Variants in SLC16A7 observed in about 807,000 individuals in gnomAD.
SLC16A7 encodes solute carrier family 16 member 7.
A neutral mutation model predicts 34.9 loss-of-function variants in SLC16A7; 33 were observed. That is an observed-to-expected ratio of 0.94 (90% confidence interval 0.72 to 1.26). SLC16A7 has a LOEUF of 1.26. SLC16A7 is among the 50% of genes most tolerant of loss of function. The probability of loss-of-function intolerance (pLI) is 0.00; values close to 1 mark genes in which losing one functional copy is unlikely to be tolerated. For synonymous variants in SLC16A7, 201 were observed against 206.6 expected (o/e 0.97, Z 0.23); for missense variants, 573 against 578.1 (o/e 0.99, Z 0.09).
In SLC16A7 at chr12:59,780,779, CG is replaced by C. The variant is rs1271373044; in HGVS notation, c.*1101del. ...CTGTTATGAATACTCCATCTGACTA[CG>C]ACTAAGAGAGTGAGGGGTGGTTTTA... On this transcript the variant is annotated 3_prime_UTR_variant, in exon 6 of 6. Coordinates refer to ENST00000547379, the MANE Select transcript of SLC16A7 (RefSeq NM_001270623.2). 2 of 152,060 alleles carry C rather than the reference CG, an allele frequency of 1.3e-5. No homozygotes were observed. 9.4% of individuals were successfully genotyped at this position (152,060 alleles called of 1,614,324 possible). A position where few individuals can be genotyped will look rare whatever the true frequency, so the allele number is the denominator to read the frequency against.
At chr12:59,753,543 C>G (rs1879877924) in intron 3 of SLC16A7, among the ~76,000 whole-genome samples, 1 of 152,070 alleles carries the variant, frequency 6.6e-6, no homozygotes, top group African/African-American at 2.4e-5. Flanking sequence ...ATCAATTCAA[C>G]AAGAAGAGCT....
intron 2 of SLC16A7, among the ~76,000 whole-genome samples, chr12:59,660,656 A>G (rs1868799249): frequency 6.6e-6 from 1 of 152,018 alleles, no homozygotes; most frequent in Admixed American, 6.6e-5. Context: ...GGCTGCAGTG[A>G]GCTTTGATTG....
At chr12:59,609,270 GGAC>G (rs1879084013) in intron 1 of SLC16A7, among the ~76,000 whole-genome samples, 2 of 152,162 alleles carry the variant, frequency 1.3e-5, no homozygotes, top group Non-Finnish European at 2.9e-5. Context: ...CAGTGTCCTG[GGAC>G]AAAGTCCGTT....
At chr12:59,648,987 C>G (rs914731058) in intron 1 of SLC16A7, among the ~76,000 whole-genome samples, 2 of 152,040 alleles carry the variant, frequency 1.3e-5, no homozygotes, top group Non-Finnish European at 2.9e-5. Context: ...TCCTAGTATT[C>G]AGAGTGATAC....
intron 3 of SLC16A7, among the ~76,000 whole-genome samples, chr12:59,749,642 C>T (rs1879283162): frequency 6.6e-6 from 1 of 152,062 alleles, no homozygotes; most frequent in African/African-American, 2.4e-5. Context: ...AGAATTACAC[C>T]CTTGAAGATG....
chr12:59,646,349 T>G (rs944725692), intron 1 of SLC16A7, among the ~76,000 whole-genome samples: 6 of 152,164 alleles, frequency 3.9e-5, no homozygotes, highest in Non-Finnish European at 8.8e-5. Context: ...TAGCCATGGC[T>G]AAAACGGGCC....
intron 3 of SLC16A7, among the ~76,000 whole-genome samples, chr12:59,743,257 A>G (rs1271956603): frequency 6.6e-6 from 1 of 152,214 alleles, no homozygotes; most frequent in Non-Finnish European, 1.5e-5. Flanking sequence ...TAAATTATTT[A>G]CCTATAAATC....
At position 59,788,553 on chromosome 12, in the gene SLC16A7, T is replaced by C. The variant is rs1883778886; in HGVS notation, c.*8874T>C. 1 of 151,986 alleles carries C rather than the reference T, an allele frequency of 6.6e-6. No homozygotes were observed. Among genetic ancestry groups the C allele is most frequent in the Non-Finnish European group, 1.5e-5 (1 of 67,942 alleles). 9.4% of individuals were successfully genotyped at this position (151,986 alleles called of 1,614,324 possible). On this transcript the variant is annotated 3_prime_UTR_variant, in exon 6 of 6. Transcript: ENST00000547379. ...ATGACTTAAATCATGGCTGTATTATTTCATTTTTAAAGAAAATAAAGTATA... is the reference window on the plus strand; with the variant it reads ...ATGACTTAAATCATGGCTGTATTATCTCATTTTTAAAGAAAATAAAGTATA...
chr12:59,740,544 A>G (rs1368513081), intron 3 of SLC16A7, among the ~76,000 whole-genome samples: 2 of 152,204 alleles, frequency 1.3e-5, no homozygotes, highest in Non-Finnish European at 2.9e-5. Flanking sequence ...TAAATTAGGT[A>G]TTGATGGGAC....
intron 2 of SLC16A7, among the ~76,000 whole-genome samples, chr12:59,659,491 TC>T: frequency 6.6e-6 from 1 of 152,248 alleles, no homozygotes; most frequent in East Asian, 1.9e-4. Context: ...GCCTTATTTA[TC>T]CTGGCATCCC....
At chr12:59,761,464 A>T (rs1326844088) in intron 3 of SLC16A7, among the ~76,000 whole-genome samples, 1 of 152,124 alleles carries the variant, frequency 6.6e-6, no homozygotes, top group Non-Finnish European at 1.5e-5. Context: ...TTTACCATAG[A>T]CTATTGTTTA....
chr12:59,670,172 G>T (rs748075807), intron 2 of SLC16A7, among the ~76,000 whole-genome samples: 32 of 152,244 alleles, frequency 2.1e-4, no homozygotes, highest in Non-Finnish European at 4.4e-4. Flanking sequence ...TTCAATTTAT[G>T]CCTGTATCTT....
chr12:59,615,919 C>G (rs1879428397), intron 1 of SLC16A7, among the ~76,000 whole-genome samples: 1 of 152,208 alleles, frequency 6.6e-6, no homozygotes, highest in African/African-American at 2.4e-5. Context: ...CCTGCTCCAT[C>G]ACTTGACTCT....
chr12:59,649,747 A>G (rs955395231), intron 1 of SLC16A7, among the ~76,000 whole-genome samples: 1 of 152,110 alleles, frequency 6.6e-6, no homozygotes, highest in African/African-American at 2.4e-5. Context: ...TGAGGAGTTC[A>G]AGACCAGCCT....
intron 2 of SLC16A7, among the ~76,000 whole-genome samples, chr12:59,700,155 C>G (rs1373673931): frequency 6.6e-6 from 1 of 151,710 alleles, no homozygotes; most frequent in Non-Finnish European, 1.5e-5. Flanking sequence ...TGTCTTTAAA[C>G]AGAAACACAC....
rs1050214399 is a variant in SLC16A7 at position 59,626,390 on chromosome 12, C to T, written c.-129-28762C>T. 1.8e-4 allele frequency among the ~76,000 whole-genome samples: 28 copies of T among 151,790 alleles called. 1 individual carries two copies. The highest frequency in any genetic ancestry group is 5.1e-4 in the African/African-American group (21 of 41,464). ...ATAACTCAAAAATGTATAAATAAAACGACTAATTATTTACAAATTTGTATG... is the reference window on the plus strand; with the variant it reads ...ATAACTCAAAAATGTATAAATAAAATGACTAATTATTTACAAATTTGTATG... On this transcript the variant is annotated intron_variant, in intron 1 of 5. Transcript: ENST00000547379.
At chr12:59,752,736 G>A (rs1432513706) in intron 3 of SLC16A7, among the ~76,000 whole-genome samples, 1 of 152,050 alleles carries the variant, frequency 6.6e-6, no homozygotes, top group African/African-American at 2.4e-5. Context: ...CAACATTCAG[G>A]TTCAGGAAAT....
At chr12:59,727,900 A>G (rs1330654626) in intron 3 of SLC16A7, among the ~76,000 whole-genome samples, 1 of 152,148 alleles carries the variant, frequency 6.6e-6, no homozygotes, top group Non-Finnish European at 1.5e-5. Flanking sequence ...AGAGAGAGAC[A>G]AAAGGTCAGG....
chr12:59,661,150 T>A (rs1413883080), intron 2 of SLC16A7, among the ~76,000 whole-genome samples: 1 of 152,022 alleles, frequency 6.6e-6, no homozygotes, highest in Non-Finnish European at 1.5e-5. Flanking sequence ...GGGGAGGGGA[T>A]AATGACCAGT....
Sources: gnomAD v4.1 joint callset for allele counts (sites outside exome capture counted in the v4.1 genomes callset) on GRCh38, gnomAD v4.1.1 for gene constraint, MANE v1.5 for transcripts, NCBI Gene and HGNC (gene_info 2026-07-23, HGNC 2026-07-21) for gene names.